Variants in RNGTT observed in about 807,000 individuals in gnomAD.
The protein encoded by RNGTT is RNA guanylyltransferase and 5'-phosphatase, also known as mRNA-capping enzyme.
A neutral mutation model predicts 79.3 loss-of-function variants in RNGTT; 33 were observed. The observed-to-expected ratio is 0.42, with a 90% CI of 0.32 to 0.56. The LOEUF is 0.56. Ranked by LOEUF, RNGTT falls within the 20% of genes least tolerant of loss-of-function variation. The pLI, the probability that RNGTT is intolerant of heterozygous loss-of-function variation, is 0.17. For synonymous variants in RNGTT, 222 were observed against 235.9 expected, an observed-to-expected ratio of 0.94 and a Z score of 0.54; for missense variants, 497 against 739.1, an observed-to-expected ratio of 0.67 and a Z score of 3.80.
intron 9 of RNGTT, among the ~76,000 whole-genome samples, chr6:88,851,693 T>C (rs1781679399): frequency 6.6e-6 from 1 of 151,948 alleles, no homozygotes. Context: ...GTCAGACAAT[T>C]AGGTGGTTTG....
At chr6:88,614,176 C>A in intron 15 of RNGTT, 96 bp downstream of exon 15, 1 of 1,143,166 alleles carries the variant, frequency 8.7e-7, no homozygotes, top group Admixed American at 2.1e-5. Flanking sequence ...AATGACTATG[C>A]CCCATTAAGC....
At chr6:88,771,309 GTGTGTGTA>G (rs1270974430) in intron 12 of RNGTT, among the ~76,000 whole-genome samples, 21 of 87,352 alleles carry the variant, frequency 2.4e-4, no homozygotes, top group African/African-American at 6.5e-4. Context: ...ATGTATGTGT[GTGTGTGTA>G]TATATATATA....
intron 4 of RNGTT, among the ~76,000 whole-genome samples, chr6:88,922,668 C>T (rs535510065): frequency 1.3e-5 from 2 of 152,228 alleles, no homozygotes; most frequent in South Asian, 4.1e-4. Flanking sequence ...GCTGGGACTA[C>T]AGGCGTCCGC....
chr6:88,772,622 A>G (rs1434675617), intron 12 of RNGTT, among the ~76,000 whole-genome samples: 1 of 107,930 alleles, frequency 9.3e-6, no homozygotes, highest in Admixed American at 8.3e-5. Flanking sequence ...AAACAAATTT[A>G]CAAGAAAAAA....
At chr6:88,868,031 A>G (rs886348178) in intron 8 of RNGTT, among the ~76,000 whole-genome samples, 1 of 152,068 alleles carries the variant, frequency 6.6e-6, no homozygotes, top group Non-Finnish European at 1.5e-5. Context: ...CAGTCACATA[A>G]GTAGGTGAAG....
intron 13 of RNGTT, among the ~76,000 whole-genome samples, chr6:88,730,446 C>T (rs1209671368): frequency 6.6e-6 from 1 of 152,226 alleles, no homozygotes; most frequent in Non-Finnish European, 1.5e-5. Flanking sequence ...CATCCCTTGT[C>T]CAACTGTGTG....
At chr6:88,875,429 A>T (rs951782100) in intron 8 of RNGTT, among the ~76,000 whole-genome samples, 1 of 152,154 alleles carries the variant, frequency 6.6e-6, no homozygotes, top group African/African-American at 2.4e-5. Context: ...GACAGAAGAC[A>T]TTATCAGAAA....
chr6:88,787,827 G>A (rs1444730474), intron 12 of RNGTT, among the ~76,000 whole-genome samples: 1 of 152,118 alleles, frequency 6.6e-6, no homozygotes, highest in East Asian at 1.9e-4. Context: ...TAATTTAAGA[G>A]ATACTTAAAA....
intron 5 of RNGTT, among the ~76,000 whole-genome samples, chr6:88,905,212 T>C (rs1017586135): frequency 3.3e-5 from 5 of 152,148 alleles, no homozygotes; most frequent in African/African-American, 9.7e-5. Context: ...GAGACCTAGA[T>C]AGGGTCTGTG....
intron 14 of RNGTT, among the ~76,000 whole-genome samples, chr6:88,641,574 G>A (rs188934144): frequency 2.0e-4 from 30 of 152,258 alleles, no homozygotes; most frequent in Non-Finnish European, 4.0e-4. Context: ...ATAGAAAGCA[G>A]AACTGATTCA....
At chr6:88,666,663 C>T (rs1228402603) in intron 14 of RNGTT, among the ~76,000 whole-genome samples, 1 of 152,182 alleles carries the variant, frequency 6.6e-6, no homozygotes. Flanking sequence ...GCAGACCGGA[C>T]CTCCGGGACA....
At chr6:88,893,577 A>G (rs192216319) in intron 6 of RNGTT, among the ~76,000 whole-genome samples, 1 of 152,310 alleles carries the variant, frequency 6.6e-6, no homozygotes, top group Non-Finnish European at 1.5e-5. Context: ...TAACATTTCT[A>G]TGGGGTTGAA....
At chr6:88,683,832 T>C (rs878949724) in intron 13 of RNGTT, among the ~76,000 whole-genome samples, 1 of 151,916 alleles carries the variant, frequency 6.6e-6, no homozygotes, top group Non-Finnish European at 1.5e-5. Flanking sequence ...CTGGGCAACA[T>C]AGCAAGACTT....
intron 13 of RNGTT, among the ~76,000 whole-genome samples, chr6:88,696,634 A>ACACACACACAC (rs1562200542): frequency 3.3e-5 from 5 of 151,608 alleles, no homozygotes; most frequent in Non-Finnish European, 5.9e-5. Context: ...ACACACACAC[A>ACACACACACAC]AAATGTGTAA....
chr6:88,961,912 T>C (rs1161602788), intron 1 of RNGTT, among the ~76,000 whole-genome samples: 2 of 152,138 alleles, frequency 1.3e-5, no homozygotes, highest in Non-Finnish European at 2.9e-5. Context: ...TGACCATCAA[T>C]AGATGAACAG....
At chr6:88,894,647 A>C (rs1185016213) in intron 6 of RNGTT, among the ~76,000 whole-genome samples, 2 of 152,224 alleles carry the variant, frequency 1.3e-5, no homozygotes, top group East Asian at 1.9e-4. Context: ...TATCATCCCC[A>C]TATGTGATCT....
At chr6:88,945,186 G>A (rs993014382) in intron 1 of RNGTT, among the ~76,000 whole-genome samples, 31 of 152,188 alleles carry the variant, frequency 2.0e-4, no homozygotes, top group African/African-American at 7.5e-4. Context: ...TATCCGAAAG[G>A]TAGGAAAGGT....
At chr6:88,677,762 C>T (rs958630666) in intron 14 of RNGTT, among the ~76,000 whole-genome samples, 9 of 152,104 alleles carry the variant, frequency 5.9e-5, no homozygotes, top group African/African-American at 2.2e-4. Context: ...CAGGCATGAG[C>T]CACCGTACCC....
chr6:88,842,487 G>A (rs1331627216), intron 11 of RNGTT, among the ~76,000 whole-genome samples: 1 of 152,036 alleles, frequency 6.6e-6, no homozygotes, highest in African/African-American at 2.4e-5. Flanking sequence ...GAATGAAAAG[G>A]AAAATGGAGA....
Sources: gnomAD v4.1 joint callset for allele counts (sites outside exome capture counted in the v4.1 genomes callset) on GRCh38, gnomAD v4.1.1 for gene constraint, MANE v1.5 for transcripts, NCBI Gene and HGNC (gene_info 2026-07-23, HGNC 2026-07-21) for gene names.